The following HCRTR2 variants were observed in gnomAD, a reference collection of about 807,000 sequenced individuals.
HCRTR2 encodes hypocretin receptor 2.
In HCRTR2, 22 loss-of-function variants were observed where a neutral mutation model predicts 49.0. That is an observed-to-expected ratio of 0.45 (90% CI 0.32 to 0.64). The LOEUF (loss-of-function observed/expected upper bound fraction) is 0.64, where lower values mean the gene tolerates loss of function less well. HCRTR2 is among the 30% of genes least tolerant of loss of function. The pLI, the probability that HCRTR2 is intolerant of heterozygous loss-of-function variation, is 0.04. For synonymous variants in HCRTR2, 236 were observed against 205.3 expected (o/e 1.15, Z -1.28); for missense variants, 491 against 559.4 (o/e 0.88, Z 1.23).
intron 1 of HCRTR2, among the ~76,000 whole-genome samples, chr6:55,136,181 T>A (rs1428800923): frequency 6.6e-6 from 1 of 152,074 alleles, no homozygotes; most frequent in African/African-American, 2.4e-5. Context: ...CTGAAAAAAA[T>A]ATAAGGGAGT....
intron 4 of HCRTR2, among the ~76,000 whole-genome samples, chr6:55,275,871 G>A (rs1193239882): frequency 6.6e-6 from 1 of 152,016 alleles, no homozygotes; most frequent in Non-Finnish European, 1.5e-5. Context: ...TTCTAATGGC[G>A]GCAGAAGTCA....
At chr6:55,209,417 T>G (rs1223031049) in intron 1 of HCRTR2, among the ~76,000 whole-genome samples, 2 of 152,206 alleles carry the variant, frequency 1.3e-5, no homozygotes, top group Non-Finnish European at 2.9e-5. Context: ...ATAGGATTGC[T>G]TCATTGTTTT....
At chr6:55,224,597 T>C (rs568489722) in intron 1 of HCRTR2, among the ~76,000 whole-genome samples, 74 of 149,916 alleles carry the variant, frequency 4.9e-4, no homozygotes, top group Non-Finnish European at 8.8e-4. Context: ...AACTCCAGCC[T>C]GGGCTACAGA....
At chr6:55,252,721 A>G (rs908361560) in intron 2 of HCRTR2, among the ~76,000 whole-genome samples, 2 of 152,112 alleles carry the variant, frequency 1.3e-5, no homozygotes, top group Non-Finnish European at 2.9e-5. Flanking sequence ...TTAAAATTAC[A>G]CTTAAAATGA....
intron 1 of HCRTR2, among the ~76,000 whole-genome samples, chr6:55,160,829 A>G (rs1168756713): frequency 1.3e-5 from 2 of 152,160 alleles, no homozygotes; most frequent in African/African-American, 4.8e-5. Context: ...ACACAAATTC[A>G]TCAAGCAAGT....
At chr6:55,198,169 C>T (rs1765451351) in intron 1 of HCRTR2, among the ~76,000 whole-genome samples, 1 of 152,176 alleles carries the variant, frequency 6.6e-6, no homozygotes, top group South Asian at 2.1e-4. Context: ...ATCAGTAACA[C>T]TAATGCTAAA....
At chr6:55,227,591 A>G (rs904271223) in intron 1 of HCRTR2, among the ~76,000 whole-genome samples, 8 of 152,180 alleles carry the variant, frequency 5.3e-5, no homozygotes, top group Admixed American at 5.2e-4. Context: ...TTGACTATTG[A>G]CTGTCTTAGT....
At chr6:55,277,329 G>T in intron 4 of HCRTR2, 51 bp from the exon 5 acceptor site, 1 of 1,469,926 alleles carries the variant, frequency 6.8e-7, no homozygotes, top group Non-Finnish European at 9.5e-7. Context: ...TCCCCAAAGT[G>T]GAACTTTCCT....
chr6:55,193,596 CA>C (rs1415479085), intron 1 of HCRTR2, among the ~76,000 whole-genome samples: 1 of 151,068 alleles, frequency 6.6e-6, no homozygotes, highest in East Asian at 1.9e-4. Flanking sequence ...TACCTTCTAG[CA>C]AACCAAAATT....
chr6:55,144,688 C>T (rs940621844), intron 1 of HCRTR2, among the ~76,000 whole-genome samples: 1 of 152,000 alleles, frequency 6.6e-6, no homozygotes, highest in Non-Finnish European at 1.5e-5. Context: ...TAATCTGCTC[C>T]CTCGCCTGCC....
intron 1 of HCRTR2, among the ~76,000 whole-genome samples, chr6:55,188,789 C>T (rs1361500111): frequency 6.6e-6 from 1 of 152,122 alleles, no homozygotes; most frequent in Non-Finnish European, 1.5e-5. Context: ...ACTGAAGAGG[C>T]ATATGCTAAG....
intron 1 of HCRTR2, among the ~76,000 whole-genome samples, chr6:55,133,386 A>G (rs925054015): frequency 6.9e-5 from 6 of 87,176 alleles, no homozygotes; most frequent in African/African-American, 3.2e-4. Context: ...CACACACACA[A>G]AAAAACACAC....
chr6:55,232,290 C>A (rs1426634659), intron 1 of HCRTR2, among the ~76,000 whole-genome samples: 1 of 152,110 alleles, frequency 6.6e-6, no homozygotes. Flanking sequence ...TATTAAAATG[C>A]ACCACACAAT....
In HCRTR2 at chr6:55,247,226, A is replaced by G. The variant is rs575358922; in HGVS notation, c.224-1413A>G. ...ATAATTTTCAAATAATAAAGACTAC[A>G]GTTACCCTGATTAAGGTTCACCTGA... On this transcript the variant is annotated intron_variant, in intron 1 of 6. Coordinates refer to ENST00000370862, the MANE Select transcript of HCRTR2 (RefSeq NM_001384272.1). Among the ~76,000 whole-genome samples, 4 of 152,182 alleles carry G rather than the reference A, an allele frequency of 2.6e-5. No homozygotes were observed. In the East Asian group the frequency reaches 7.7e-4, roughly 29 times the overall value.
At chr6:55,146,932 G>T (rs12209485) in intron 1 of HCRTR2, among the ~76,000 whole-genome samples, 46,944 of 151,882 alleles carry the variant, frequency 0.31, 8,321 homozygotes, top group Middle Eastern at 0.52. Context: ...AATAGCCAGG[G>T]GATCTTTAAA....
intron 1 of HCRTR2, among the ~76,000 whole-genome samples, chr6:55,158,068 G>T (rs2127261019): frequency 6.6e-6 from 1 of 152,286 alleles, no homozygotes; most frequent in South Asian, 2.1e-4. Flanking sequence ...TGAGATCAGT[G>T]CAGAAGGTGG....
At chr6:55,275,941 A>C (rs1767069253) in intron 4 of HCRTR2, among the ~76,000 whole-genome samples, 1 of 135,518 alleles carries the variant, frequency 7.4e-6, no homozygotes, top group African/African-American at 2.8e-5. Context: ...AATCACTAAA[A>C]TTTAATTGAT....
intron 1 of HCRTR2, among the ~76,000 whole-genome samples, chr6:55,189,625 A>C (rs923845024): frequency 2.0e-5 from 3 of 152,128 alleles, no homozygotes. Flanking sequence ...GACATCACAC[A>C]CTGGGGCCTG....
chr6:55,282,474 A>G lies in HCRTR2; in HGVS notation c.*20A>G, dbSNP rs1256813598. The G allele has an allele frequency of 1.6e-6, 2 of 1,256,276 alleles. No individual in the cohort carries two copies. The highest frequency in any genetic ancestry group is 2.3e-6 in the Non-Finnish European group (2 of 860,056). The allele number at this position is 1,256,276 out of a possible 1,614,324, so 77.8% of individuals were successfully genotyped here. On this transcript the variant is annotated 3_prime_UTR_variant, in exon 7 of 7. Coordinates refer to ENST00000370862, the MANE Select transcript of HCRTR2 (RefSeq NM_001384272.1). Reference sequence around the variant, plus strand: ...TGGTAGAATATTTATTCATATGACAAGGATACCTGAGTAAAACTATCCTTT... The same window carrying G: ...TGGTAGAATATTTATTCATATGACAGGGATACCTGAGTAAAACTATCCTTT...
Sources: allele counts gnomAD v4.1 joint callset (sites outside exome capture counted in the v4.1 genomes callset), GRCh38; gene constraint gnomAD v4.1.1; transcripts MANE v1.5; gene names NCBI Gene and HGNC (gene_info 2026-07-23, HGNC 2026-07-21).